Variants in TPTE2 observed in about 807,000 individuals in gnomAD.
TPTE2 encodes the protein transmembrane phosphoinositide 3-phosphatase and tensin homolog 2, also known as phosphatidylinositol 3,4,5-trisphosphate 3-phosphatase TPTE2.
TPTE2 carries 53 observed loss-of-function variants against 78.6 expected under a neutral mutation model. That is an observed-to-expected ratio of 0.67 (90% CI 0.54 to 0.85). TPTE2 has a LOEUF of 0.85. TPTE2 is among the 40% of genes least tolerant of loss of function. TPTE2 has a pLI of 0.00. For synonymous variants in TPTE2, 175 were observed against 206.2 expected (o/e 0.85, Z 1.30); for missense variants, 461 against 623.0 (o/e 0.74, Z 2.77).
At chr13:19,456,912 C>T (rs1878571010) in intron 10 of TPTE2, among the ~76,000 whole-genome samples, 1 of 152,156 alleles carries the variant, frequency 6.6e-6, no homozygotes, top group South Asian at 2.1e-4. Context: ...AGGACTTATA[C>T]ACAAGTTCTC....
At position 19,467,721 on chromosome 13, in the gene TPTE2, A is replaced by C. The variant is rs190034837; in HGVS notation, c.393-377T>G. On this transcript the variant is annotated intron_variant, in intron 6 of 19. Coordinates refer to ENST00000400230, the Ensembl canonical transcript of TPTE2. Reference sequence around the variant, plus strand: ...CTCTTTCAGTCATTTAAAAATATACAATCAAGTTATTGTTGACTATGGTCA... The same window carrying C: ...CTCTTTCAGTCATTTAAAAATATACCATCAAGTTATTGTTGACTATGGTCA... Among the ~76,000 whole-genome samples the C allele has an allele frequency of 2.5e-3, 373 of 152,226 alleles. 1 individual carries two copies. Among genetic ancestry groups the C allele is most frequent in the African/African-American group, 8.6e-3 (358 of 41,524 alleles).
At chr13:19,522,619 C>CTTTTTTT (rs57248346) in intron 1 of TPTE2, among the ~76,000 whole-genome samples, 13 of 121,646 alleles carry the variant, frequency 1.1e-4, no homozygotes, top group Non-Finnish European at 1.3e-4. Context: ...CTTTTTTTTT[C>CTTTTTTT]TTTTTTTTTT....
chr13:19,439,872 T>C (rs1488517393), intron 13 of TPTE2, among the ~76,000 whole-genome samples: 1 of 152,202 alleles, frequency 6.6e-6, no homozygotes, highest in Non-Finnish European at 1.5e-5. Context: ...GCTTGAAGAC[T>C]GGTCTTTTGA....
intron 4 of TPTE2, among the ~76,000 whole-genome samples, chr13:19,478,161 G>A (rs1399567082): frequency 2.0e-5 from 3 of 152,152 alleles, no homozygotes; most frequent in Non-Finnish European, 1.5e-5. Context: ...TTGACAAACA[G>A]GATCTAATTA....
chr13:19,482,687 T>G, intron 3 of TPTE2, 140 bp from the exon 7 acceptor site: 1 of 1,041,514 alleles, frequency 9.6e-7, no homozygotes, highest in Non-Finnish European at 1.4e-6. Flanking sequence ...CTGGAAGACC[T>G]AATATTTAAG....
intron 1 of TPTE2, among the ~76,000 whole-genome samples, chr13:19,510,505 C>A (rs910536258): frequency 1.3e-5 from 2 of 151,144 alleles, no homozygotes; most frequent in African/African-American, 4.9e-5. Flanking sequence ...CCCTCACTCC[C>A]AGGGAGGGAA....
At chr13:19,438,990 A>C (rs1395292370) in intron 13 of TPTE2, among the ~76,000 whole-genome samples, 2 of 152,100 alleles carry the variant, frequency 1.3e-5, no homozygotes, top group African/African-American at 4.8e-5. Flanking sequence ...CTTGGAGCTC[A>C]TTTGAGGAGA....
intron 13 of TPTE2, among the ~76,000 whole-genome samples, chr13:19,445,916 G>A (rs1877801149): frequency 1.3e-5 from 2 of 152,184 alleles, no homozygotes; most frequent in Non-Finnish European, 1.5e-5. Context: ...ACTCCAGCCT[G>A]GGTGACAGAG....
At chr13:19,540,772 T>C (rs955985922), upstream of TPTE2, among the ~76,000 whole-genome samples, 5 of 152,248 alleles carry the variant, frequency 3.3e-5, no homozygotes, top group Non-Finnish European at 7.3e-5. Context: ...GTTGCTAGCA[T>C]ATAGAAATGC....
chr13:19,503,123 G>A, intron 1 of TPTE2, 101 bp downstream of exon 4: 5 of 1,521,778 alleles, frequency 3.3e-6, no homozygotes, highest in South Asian at 1.2e-5. Flanking sequence ...ATGGATGCAT[G>A]GATGCATGGA....
At chr13:19,480,237 A>G (rs911850986) in intron 4 of TPTE2, among the ~76,000 whole-genome samples, 1 of 152,184 alleles carries the variant, frequency 6.6e-6, no homozygotes, top group Non-Finnish European at 1.5e-5. Flanking sequence ...GTAAAGCATG[A>G]AAAACACTGT....
chr13:19,544,161 A>C, the TPTE2 span, among the ~76,000 whole-genome samples: 1 of 151,804 alleles, frequency 6.6e-6, no homozygotes, highest in Non-Finnish European at 1.5e-5. Context: ...TGAGTATACC[A>C]ATTAAAAGAC....
chr13:19,439,359 A>G (rs565165807), intron 13 of TPTE2, among the ~76,000 whole-genome samples: 2 of 152,206 alleles, frequency 1.3e-5, no homozygotes, highest in East Asian at 3.9e-4. Context: ...AGCAAAGCCA[A>G]AAGACCCTAC....
chr13:19,510,076 G>T (rs1315280307), intron 1 of TPTE2, among the ~76,000 whole-genome samples: 1 of 152,182 alleles, frequency 6.6e-6, no homozygotes, highest in Non-Finnish European at 1.5e-5. Flanking sequence ...AAAAAGTTCT[G>T]TCATGAAGAG....
At chr13:19,426,505 T>C (rs764402185) in exon 18 of TPTE2, 3 of 1,568,170 alleles carry the variant, frequency 1.9e-6, no homozygotes, top group Non-Finnish European at 2.6e-6. Flanking sequence ...TCTGTTTCAA[T>C]GTCATGCAAT....
chr13:19,442,294 A>G (rs1877549250), intron 13 of TPTE2, among the ~76,000 whole-genome samples: 1 of 152,004 alleles, frequency 6.6e-6, no homozygotes, highest in African/African-American at 2.4e-5. Flanking sequence ...CAAAACTCTC[A>G]TATGTTTGGA....
At chr13:19,538,602 C>T (rs577081807), upstream of TPTE2, among the ~76,000 whole-genome samples, 139 of 151,746 alleles carry the variant, frequency 9.2e-4, no homozygotes, top group African/African-American at 3.3e-3. Context: ...GATCTTGGCT[C>T]ACTGCAACCT....
upstream of TPTE2, among the ~76,000 whole-genome samples, chr13:19,504,040 T>G (rs1395756066): frequency 6.6e-6 from 1 of 152,024 alleles, no homozygotes; most frequent in East Asian, 1.9e-4. Flanking sequence ...ACGCCCGGCC[T>G]CTATATTGAT....
chr13:19,534,462 G>C (rs1247379421), intron 1 of TPTE2, among the ~76,000 whole-genome samples: 1 of 152,190 alleles, frequency 6.6e-6, no homozygotes, highest in Non-Finnish European at 1.5e-5. Flanking sequence ...TCTTCATAAA[G>C]ATGTTACTGA....
Sources: allele counts gnomAD v4.1 joint callset (sites outside exome capture counted in the v4.1 genomes callset), GRCh38; gene constraint gnomAD v4.1.1; transcripts MANE v1.5; gene names NCBI Gene and HGNC (gene_info 2026-07-23, HGNC 2026-07-21).